The following OVCH1 variants were observed in gnomAD, a reference collection of about 807,000 sequenced individuals.
OVCH1 encodes ovochymase-1.
A neutral mutation model predicts 138.4 loss-of-function variants in OVCH1; 139 were observed. The observed-to-expected ratio is 1.00, with a 90% CI of 0.87 to 1.16. The LOEUF (loss-of-function observed/expected upper bound fraction) is 1.16, where lower values mean the gene tolerates loss of function less well. OVCH1 is among the 50% of genes most tolerant of loss of function. OVCH1 has a pLI of 0.00. For missense variants in OVCH1, 1,367 were observed against 1,357.9 expected (o/e 1.01, Z -0.11); for synonymous variants, 453 against 467.8 (o/e 0.97, Z 0.41).
chr12:29,467,064 T>C (rs1419066574), intron 16 of OVCH1, among the ~76,000 whole-genome samples: 1 of 152,160 alleles, frequency 6.6e-6, no homozygotes, highest in Non-Finnish European at 1.5e-5. Context: ...TTAACGGAGC[T>C]AACTCAAGTG....
chr12:29,456,634 T>A (rs1941959223), intron 19 of OVCH1, among the ~76,000 whole-genome samples: 1 of 152,250 alleles, frequency 6.6e-6, no homozygotes, highest in Non-Finnish European at 1.5e-5. Context: ...ATCTTCTACA[T>A]GTCTCTTGAG....
intron 8 of OVCH1, among the ~76,000 whole-genome samples, chr12:29,483,857 AT>A (rs144881877): frequency 0.03 from 4,609 of 152,256 alleles, 247 homozygotes; most frequent in African/African-American, 0.1. Flanking sequence ...CCACTATAAC[AT>A]TTATATCTCT....
At chr12:29,444,468 A>AAC (rs1941564139) in intron 23 of OVCH1, among the ~76,000 whole-genome samples, 188 bp from the exon 24 acceptor site, 1 of 152,106 alleles carries the variant, frequency 6.6e-6, no homozygotes, top group African/African-American at 2.4e-5. Context: ...ATAGGAAACA[A>AAC]ACACATCTCT....
chr12:29,442,185 C>T (rs1018135002), intron 25 of OVCH1, among the ~76,000 whole-genome samples: 62 of 151,956 alleles, frequency 4.1e-4, no homozygotes, highest in South Asian at 6.2e-4. Context: ...ATGTTTATTG[C>T]GGCACTATTC....
chr12:29,453,551 C>G (rs564593915), intron 21 of OVCH1, among the ~76,000 whole-genome samples: 2 of 152,184 alleles, frequency 1.3e-5, no homozygotes, highest in African/African-American at 2.4e-5. Context: ...TTTTCTCCAA[C>G]CACAACCTTC....
chr12:29,477,044 C>T, intron 12 of OVCH1, 58 bp downstream of exon 12: 1 of 1,461,200 alleles, frequency 6.8e-7, no homozygotes, highest in Non-Finnish European at 9.1e-7. Context: ...GAATTAAGTT[C>T]TGCCTAACTA....
At chr12:29,470,407 C>T (rs1942463214) in intron 16 of OVCH1, among the ~76,000 whole-genome samples, 3 of 152,050 alleles carry the variant, frequency 2.0e-5, no homozygotes, top group Admixed American at 6.6e-5. Context: ...TGTGTTTTTC[C>T]CCTCCCTGTG....
At chr12:29,430,526 G>C (rs373061700) in intron 27 of OVCH1, among the ~76,000 whole-genome samples, 1 of 152,136 alleles carries the variant, frequency 6.6e-6, no homozygotes, top group African/African-American at 2.4e-5. Flanking sequence ...CAGGTCAATG[G>C]AGTTACATTC....
At chr12:29,445,299 A>C in exon 23 of OVCH1, 1 of 1,611,810 alleles carries the variant, frequency 6.2e-7, no homozygotes, top group Middle Eastern at 1.7e-4. Flanking sequence ...AAGACAATAT[A>C]GCTTATACCA....
intron 18 of OVCH1, among the ~76,000 whole-genome samples, chr12:29,462,827 G>C (rs1317480518): frequency 6.6e-6 from 1 of 152,090 alleles, no homozygotes; most frequent in African/African-American, 2.4e-5. Context: ...TTACGGGACA[G>C]AACTAGGATC....
At chr12:29,417,130 CT>C (rs1218004705) in intron 3 of OVCH1, among the ~76,000 whole-genome samples, 2 of 152,106 alleles carry the variant, frequency 1.3e-5, no homozygotes, top group African/African-American at 4.8e-5. Context: ...TAACAAAATT[CT>C]AGAAATAGAG....
At chr12:29,456,077 T>C (rs183641205) in intron 19 of OVCH1, among the ~76,000 whole-genome samples, 13 of 152,354 alleles carry the variant, frequency 8.5e-5, no homozygotes, top group African/African-American at 2.2e-4. Context: ...TACCTGCAGA[T>C]ACCAAAGTTG....
intron 19 of OVCH1, among the ~76,000 whole-genome samples, chr12:29,458,324 G>GA (rs144585506): frequency 0.063 from 9,356 of 148,400 alleles, 866 homozygotes; most frequent in African/African-American, 0.21. Context: ...AGAAAACCCA[G>GA]AAAAAAAATC....
intron 27 of OVCH1, among the ~76,000 whole-genome samples, chr12:29,428,796 C>T (rs529663408): frequency 6.6e-6 from 1 of 152,250 alleles, no homozygotes; most frequent in Non-Finnish European, 1.5e-5. Flanking sequence ...TAATGGTGTC[C>T]TAAGTGGCAG....
intron 8 of OVCH1, among the ~76,000 whole-genome samples, 157 bp downstream of exon 9, chr12:29,484,556 G>C (rs564981734): frequency 6.6e-6 from 1 of 152,130 alleles, no homozygotes; most frequent in Middle Eastern, 3.2e-3. Context: ...TTAGTACGCT[G>C]GGGTGGGAAG....
At chr12:29,492,784 G>A (rs952781535) in intron 4 of OVCH1, among the ~76,000 whole-genome samples, 2 of 152,110 alleles carry the variant, frequency 1.3e-5, no homozygotes, top group African/African-American at 4.8e-5. Flanking sequence ...AAGATGTCCA[G>A]GGCTGAGCCT....
chr12:29,481,059 C>T (rs896516200), intron 8 of OVCH1, among the ~76,000 whole-genome samples: 1 of 151,988 alleles, frequency 6.6e-6, no homozygotes, highest in Non-Finnish European at 1.5e-5. Context: ...GTCAACTTCA[C>T]AGTGCCGAAT....
intron 27 of OVCH1, among the ~76,000 whole-genome samples, chr12:29,433,345 T>C (rs1264140058): frequency 2.0e-5 from 3 of 152,096 alleles, no homozygotes; most frequent in South Asian, 2.1e-4. Context: ...TAAAAGGCAG[T>C]TCCCCAGCAC....
At chr12:29,491,328 C>T in intron 4 of OVCH1, 136 bp from the exon 5 acceptor site, 1 of 721,510 alleles carries the variant, frequency 1.4e-6, no homozygotes, top group East Asian at 2.8e-5. Context: ...TAAGTTTTGG[C>T]CCCTCCATAT....
Sources: allele counts gnomAD v4.1 joint callset (sites outside exome capture counted in the v4.1 genomes callset), GRCh38; gene constraint gnomAD v4.1.1; transcripts MANE v1.5; gene names NCBI Gene and HGNC (gene_info 2026-07-23, HGNC 2026-07-21).